Variants in NEGR1 observed in about 807,000 individuals in gnomAD.
NEGR1 encodes IgLON family member 4.
Under a neutral mutation model 40.9 loss-of-function variants are expected in NEGR1, and 10 were observed. The ratio of observed to expected loss-of-function variants is 0.24; its 90% CI spans 0.15 to 0.42. NEGR1 has a LOEUF of 0.42. Ranked by LOEUF, NEGR1 falls within the 10% of genes least tolerant of loss-of-function variation. The probability of loss-of-function intolerance (pLI) is 1.00; values close to 1 mark genes in which losing one functional copy is unlikely to be tolerated. For missense variants in NEGR1, 352 were observed against 438.9 expected (o/e 0.80, Z 1.77); for synonymous variants, 185 against 166.8 (o/e 1.11, Z -0.84).
chr1:71,472,046 T>A (rs1361197759), intron 6 of NEGR1, among the ~76,000 whole-genome samples: 1 of 152,290 alleles, frequency 6.6e-6, no homozygotes, highest in East Asian at 1.9e-4. Flanking sequence ...TGTTCTCTCA[T>A]ACTGAAATCC....
intron 2 of NEGR1, among the ~76,000 whole-genome samples, chr1:71,800,745 G>C (rs1585380): frequency 6.6e-6 from 1 of 151,896 alleles, no homozygotes; most frequent in Non-Finnish European, 1.5e-5. Flanking sequence ...TTAACTACTC[G>C]AGGGCTTCAT....
chr1:71,936,024 C>A (rs1253294566), intron 1 of NEGR1, among the ~76,000 whole-genome samples: 1 of 152,094 alleles, frequency 6.6e-6, no homozygotes, highest in Admixed American at 6.6e-5. Context: ...GTCTTGAACT[C>A]CTGACCTCAG....
chr1:71,601,999 A>G (rs114007744), intron 5 of NEGR1, among the ~76,000 whole-genome samples: 3,012 of 152,180 alleles, frequency 0.02, 46 homozygotes, highest in Non-Finnish European at 0.03. Context: ...CTACACACAA[A>G]AAAGGGACTA....
At chr1:71,855,024 G>A (rs1250698014) in intron 2 of NEGR1, among the ~76,000 whole-genome samples, 2 of 152,064 alleles carry the variant, frequency 1.3e-5, no homozygotes, top group Non-Finnish European at 2.9e-5. Context: ...AAGTCTCTGA[G>A]TTCACCTTTC....
intron 1 of NEGR1, among the ~76,000 whole-genome samples, chr1:72,257,912 A>G (rs1157638732): frequency 1.3e-5 from 2 of 152,218 alleles, no homozygotes; most frequent in African/African-American, 4.8e-5. Context: ...AAATAAATGC[A>G]TCTAAACTTC....
At chr1:71,659,992 T>C (rs1416540020) in intron 4 of NEGR1, among the ~76,000 whole-genome samples, 2 of 152,122 alleles carry the variant, frequency 1.3e-5, no homozygotes, top group Non-Finnish European at 2.9e-5. Context: ...CCCAGAAGAA[T>C]ATAAATCATT....
intron 2 of NEGR1, among the ~76,000 whole-genome samples, chr1:71,851,648 A>T (rs959926663): frequency 7.2e-5 from 11 of 152,154 alleles, no homozygotes; most frequent in African/African-American, 2.7e-4. Context: ...ATACCACGGT[A>T]GCTGATTGGA....
intron 1 of NEGR1, among the ~76,000 whole-genome samples, chr1:72,022,260 C>CATATATATATATAT (rs59160727): frequency 4.3e-4 from 48 of 111,652 alleles, no homozygotes; most frequent in African/African-American, 7.4e-4. Context: ...AAACAATTTT[C>CATATATATATATAT]ATATATATAT....
chr1:71,766,168 G>T (rs192404976), intron 3 of NEGR1, among the ~76,000 whole-genome samples: 2 of 84,418 alleles, frequency 2.4e-5, no homozygotes, highest in African/African-American at 3.5e-5. Context: ...GCAAGACTCC[G>T]TCTCAAAAAA....
chr1:72,042,371 A>G (rs1372008842), intron 1 of NEGR1, among the ~76,000 whole-genome samples: 1 of 151,826 alleles, frequency 6.6e-6, no homozygotes, highest in Non-Finnish European at 1.5e-5. Context: ...CACAGAAACT[A>G]TAGGATGAGG....
intron 2 of NEGR1, among the ~76,000 whole-genome samples, chr1:71,778,029 A>C (rs974795131): frequency 6.6e-6 from 1 of 152,114 alleles, no homozygotes; most frequent in African/African-American, 2.4e-5. Flanking sequence ...CTAGAAGGAA[A>C]GTACAAAAAA....
chr1:71,410,046 A>G (rs1253414283), intron 6 of NEGR1, among the ~76,000 whole-genome samples: 1 of 151,982 alleles, frequency 6.6e-6, no homozygotes, highest in East Asian at 1.9e-4. Context: ...TCAGCCTCCT[A>G]TTGTCTTAAA....
At chr1:71,882,262 T>C (rs1399250928) in intron 2 of NEGR1, among the ~76,000 whole-genome samples, 1 of 152,148 alleles carries the variant, frequency 6.6e-6, no homozygotes, top group Non-Finnish European at 1.5e-5. Flanking sequence ...GTATAACTGC[T>C]GATAAAATTT....
chr1:71,905,494 A>T (rs1239823059), intron 2 of NEGR1, among the ~76,000 whole-genome samples: 1 of 152,054 alleles, frequency 6.6e-6, no homozygotes, highest in Non-Finnish European at 1.5e-5. Flanking sequence ...CTTCTACAGA[A>T]TCTAATCCTT....
At chr1:71,420,537 A>T (rs1028881122) in intron 6 of NEGR1, among the ~76,000 whole-genome samples, 1 of 152,166 alleles carries the variant, frequency 6.6e-6, no homozygotes, top group East Asian at 1.9e-4. Flanking sequence ...TTTTTACAAA[A>T]TCATATGTTA....
chr1:72,179,035 G>GT (rs1232200359), intron 1 of NEGR1, among the ~76,000 whole-genome samples: 4 of 151,576 alleles, frequency 2.6e-5, no homozygotes, highest in Non-Finnish European at 5.9e-5. Context: ...AATTTTAGAG[G>GT]TTTTTTCATA....
intron 1 of NEGR1, among the ~76,000 whole-genome samples, chr1:72,257,284 T>G (rs1305839883): frequency 7.7e-6 from 1 of 129,818 alleles, no homozygotes; most frequent in Non-Finnish European, 1.5e-5. Context: ...ATCCCGCCAC[T>G]GCACTCCAGC....
chr1:71,842,067 A>G (rs1424202409), intron 2 of NEGR1, among the ~76,000 whole-genome samples: 1 of 152,176 alleles, frequency 6.6e-6, no homozygotes, highest in African/African-American at 2.4e-5. Context: ...CTTGCAACTC[A>G]TTGTCATTGC....
chr1:72,274,879 C>T, intron 1 of NEGR1: 2 of 1,594,174 alleles, frequency 1.3e-6, no homozygotes, highest in South Asian at 2.2e-5. Context: ...CAACTCCTGC[C>T]AGATCATTAT....
Sources: gnomAD v4.1 joint callset for allele counts (sites outside exome capture counted in the v4.1 genomes callset) on GRCh38, gnomAD v4.1.1 for gene constraint, MANE v1.5 for transcripts, NCBI Gene and HGNC (gene_info 2026-07-23, HGNC 2026-07-21) for gene names.